Variants in NRG3 observed in about 807,000 individuals in gnomAD.
NRG3 encodes neuregulin 3, also known as pro-neuregulin-3, membrane-bound isoform.
Under a neutral mutation model 66.9 loss-of-function variants are expected in NRG3, and 31 were observed. The ratio of observed to expected loss-of-function variants is 0.46; its 90% CI spans 0.35 to 0.63. NRG3 has a LOEUF of 0.63. NRG3 is among the 20% of genes least tolerant of loss of function. The probability of loss-of-function intolerance (pLI) is 0.00; values close to 1 mark genes in which losing one functional copy is unlikely to be tolerated. For synonymous variants in NRG3, 393 were observed against 359.4 expected, an observed-to-expected ratio of 1.09 and a Z score of -1.06; for missense variants, 910 against 878.9, an observed-to-expected ratio of 1.04 and a Z score of -0.45.
At chr10:82,009,183 T>A (rs1341136147) in intron 1 of NRG3, among the ~76,000 whole-genome samples, 1 of 152,202 alleles carries the variant, frequency 6.6e-6, no homozygotes, top group Non-Finnish European at 1.5e-5. Flanking sequence ...TAATGTGTAT[T>A]TAGTCATATG....
chr10:81,986,907 C>T (rs1564714383), intron 1 of NRG3, among the ~76,000 whole-genome samples: 2 of 152,068 alleles, frequency 1.3e-5, no homozygotes, highest in African/African-American at 4.8e-5. Context: ...AACTTGAACT[C>T]CTGAACTTAA....
At position 82,979,025 on chromosome 10, in the gene NRG3, G is replaced by A. The variant is rs139007511; in HGVS notation, c.1488G>A (p.Pro496=). The A allele has an allele frequency of 1.2e-3, 1,902 of 1,613,980 alleles. 20 individuals are homozygous for A. The African/African-American group carries it at 0.02, about 17-fold the overall frequency. ...GGAATGCCTTCAGAAGGACACCCCC[G>A]TCACCCCGAAGTAGGCTAGGTGGAA... ...LHRNAFRRTP[P]SPRSRLGGIV... The change falls in exon 8 of 9, where the codon CCG becomes CCA. Residue 496 remains proline (P), a synonymous_variant. Transcript: ENST00000372141.
intron 3 of NRG3, among the ~76,000 whole-genome samples, chr10:82,850,207 A>C (rs933007566): frequency 1.3e-5 from 2 of 152,206 alleles, no homozygotes; most frequent in South Asian, 4.1e-4. Flanking sequence ...TAGAGGGGAC[A>C]TTGAATATTA....
intron 1 of NRG3, among the ~76,000 whole-genome samples, chr10:82,211,791 G>T (rs1221057891): frequency 6.6e-6 from 1 of 152,150 alleles, no homozygotes; most frequent in Non-Finnish European, 1.5e-5. Flanking sequence ...TATGTAATTT[G>T]CTTCACTTAA....
chr10:81,882,627 A>G (rs1842282061), intron 1 of NRG3, among the ~76,000 whole-genome samples: 1 of 152,146 alleles, frequency 6.6e-6, no homozygotes, highest in South Asian at 2.1e-4. Flanking sequence ...CTGAAAAACA[A>G]TCACTGTTTT....
intron 4 of NRG3, among the ~76,000 whole-genome samples, chr10:82,940,277 A>G (rs1848475859): frequency 2.6e-5 from 4 of 152,136 alleles, no homozygotes; most frequent in African/African-American, 9.6e-5. Context: ...TTATCGAGGT[A>G]TTAGCAGACT....
intron 1 of NRG3, among the ~76,000 whole-genome samples, chr10:82,146,074 G>C (rs559998888): frequency 2.0e-5 from 3 of 152,240 alleles, no homozygotes; most frequent in South Asian, 4.1e-4. Context: ...TTGACATAAG[G>C]CATGTATCAA....
chr10:82,524,227 G>T (rs1846469796), intron 2 of NRG3, among the ~76,000 whole-genome samples: 1 of 151,862 alleles, frequency 6.6e-6, no homozygotes, highest in Admixed American at 6.6e-5. Flanking sequence ...ATTTCAGAAT[G>T]AATAAAACAA....
At chr10:82,260,343 G>A (rs940709222) in intron 1 of NRG3, among the ~76,000 whole-genome samples, 4 of 152,194 alleles carry the variant, frequency 2.6e-5, no homozygotes, top group African/African-American at 9.6e-5. Flanking sequence ...CAGCATTATA[G>A]GAGTAGAGTC....
intron 2 of NRG3, among the ~76,000 whole-genome samples, chr10:82,575,114 G>A (rs974746207): frequency 6.6e-6 from 1 of 151,706 alleles, no homozygotes; most frequent in African/African-American, 2.4e-5. Flanking sequence ...TAATACATAT[G>A]TTAATTAGCT....
chr10:82,887,725 T>A (rs1480267433), intron 4 of NRG3, among the ~76,000 whole-genome samples: 2 of 152,220 alleles, frequency 1.3e-5, no homozygotes, highest in Admixed American at 6.5e-5. Context: ...AAGCTCTATC[T>A]CCATTAATCT....
chr10:82,857,529 T>G (rs562156930), intron 3 of NRG3, among the ~76,000 whole-genome samples: 70 of 152,230 alleles, frequency 4.6e-4, no homozygotes, highest in Non-Finnish European at 9.4e-4. Flanking sequence ...TGTGGGAGAT[T>G]GGGATTACAG....
At chr10:82,970,465 T>C (rs1014981336) in intron 6 of NRG3, among the ~76,000 whole-genome samples, 3 of 152,142 alleles carry the variant, frequency 2.0e-5, no homozygotes, top group African/African-American at 7.2e-5. Context: ...GCACTTAGCT[T>C]AATTTCCTCT....
chr10:82,412,353 T>G (rs1228303090), intron 2 of NRG3, among the ~76,000 whole-genome samples: 2 of 152,164 alleles, frequency 1.3e-5, no homozygotes, highest in African/African-American at 4.8e-5. Flanking sequence ...GTTTTCCCAG[T>G]GCATATACAA....
At position 82,181,458 on chromosome 10, in the gene NRG3, T is replaced by G. The variant is rs377640188; in HGVS notation, c.824-177281T>G. On this transcript the variant is annotated intron_variant, in intron 1 of 8. Coordinates refer to ENST00000372141, the MANE Select transcript of NRG3 (RefSeq NM_001010848.4). ...GCATGCCATAAAATTGGGTATGCTG[T>G]GACTTATTTTCATTTGTCTCAAGAT... is the stretch of plus-strand genomic sequence containing the variant. Among the ~76,000 whole-genome samples, 8 of 151,838 alleles carry G rather than the reference T, an allele frequency of 5.3e-5. No homozygotes were observed. The East Asian group carries it at 5.8e-4, about 11-fold the overall frequency.
intron 1 of NRG3, among the ~76,000 whole-genome samples, chr10:82,275,222 A>G (rs2078786228): frequency 6.6e-6 from 1 of 152,000 alleles, no homozygotes; most frequent in Admixed American, 6.6e-5. Context: ...GGTAATGCAG[A>G]TGCTCAGTCT....
intron 3 of NRG3, among the ~76,000 whole-genome samples, chr10:82,834,909 C>A (rs1234764803): frequency 6.6e-6 from 1 of 152,208 alleles, no homozygotes; most frequent in Non-Finnish European, 1.5e-5. Context: ...CTCTGGTTGT[C>A]TGAAGCTGTA....
At chr10:82,294,786 A>G (rs914488907) in intron 1 of NRG3, among the ~76,000 whole-genome samples, 3 of 152,144 alleles carry the variant, frequency 2.0e-5, no homozygotes, top group East Asian at 1.9e-4. Flanking sequence ...TTCATCATGC[A>G]TAATTTCTGC....
intron 2 of NRG3, among the ~76,000 whole-genome samples, chr10:82,489,650 T>G (rs968826220): frequency 6.6e-6 from 1 of 152,184 alleles, no homozygotes; most frequent in African/African-American, 2.4e-5. Flanking sequence ...GCATCCATTT[T>G]AGAGAATTTG....
Sources: gnomAD v4.1 joint callset for allele counts (sites outside exome capture counted in the v4.1 genomes callset) on GRCh38, gnomAD v4.1.1 for gene constraint, MANE v1.5 for transcripts, NCBI Gene and HGNC (gene_info 2026-07-23, HGNC 2026-07-21) for gene names.